PPP2R2B: variants seen among roughly 807,000 people sequenced by gnomAD.
The protein encoded by PPP2R2B is protein phosphatase 2 regulatory subunit Bbeta, also known as serine/threonine-protein phosphatase 2A 55 kDa regulatory subunit B beta isoform.
PPP2R2B carries 5 observed loss-of-function variants against 46.0 expected under a neutral mutation model. The ratio of observed to expected loss-of-function variants is 0.11; its 90% CI spans 0.06 to 0.23. PPP2R2B has a LOEUF of 0.23. Among genes scored for constraint, PPP2R2B ranks in the 10% least tolerant of loss-of-function variants. PPP2R2B has a pLI of 1.00. For missense variants in PPP2R2B, 367 were observed against 575.0 expected (o/e 0.64, Z 3.70); for synonymous variants, 215 against 206.7 (o/e 1.04, Z -0.34).
chr5:147,042,606 G>T (rs186757919), intron 1 of PPP2R2B, among the ~76,000 whole-genome samples: 1 of 152,208 alleles, frequency 6.6e-6, no homozygotes, highest in Admixed American at 6.5e-5. Flanking sequence ...ATCCAACAAA[G>T]ATTTATCATT....
At chr5:147,056,976 C>G (rs969355083), upstream of PPP2R2B, among the ~76,000 whole-genome samples, 7 of 152,198 alleles carry the variant, frequency 4.6e-5, no homozygotes, top group African/African-American at 1.7e-4. Flanking sequence ...AGAAAACCAA[C>G]ATTTCCCTGA....
intron 1 of PPP2R2B, among the ~76,000 whole-genome samples, chr5:147,019,227 A>T (rs1755145612): frequency 6.6e-6 from 1 of 152,186 alleles, no homozygotes; most frequent in African/African-American, 2.4e-5. Context: ...GATTGACCAT[A>T]AATATTTAAA....
intron 1 of PPP2R2B, among the ~76,000 whole-genome samples, chr5:147,044,387 T>C (rs1756457762): frequency 6.6e-6 from 1 of 152,154 alleles, no homozygotes; most frequent in East Asian, 1.9e-4. Flanking sequence ...CTGGCATAGA[T>C]GAATTCAGAA....
At chr5:146,788,240 T>G (rs958838316) in intron 2 of PPP2R2B, among the ~76,000 whole-genome samples, 7 of 151,890 alleles carry the variant, frequency 4.6e-5, no homozygotes, top group Non-Finnish European at 1.0e-4. Context: ...CCAAAAAATA[T>G]AGCTTGGCTT....
At chr5:146,592,163 G>T (rs1308727147) in intron 9 of PPP2R2B, 1 of 445,264 alleles carries the variant, frequency 2.2e-6, no homozygotes, top group East Asian at 7.3e-5. Flanking sequence ...TGTGACTTGG[G>T]TCCTTTGCCA....
At chr5:146,913,708 A>G (rs1177083335) in intron 1 of PPP2R2B, among the ~76,000 whole-genome samples, 1 of 152,168 alleles carries the variant, frequency 6.6e-6, no homozygotes, top group Non-Finnish European at 1.5e-5. Flanking sequence ...AAATTTGAGG[A>G]ACGCTCTCTA....
intron 2 of PPP2R2B, among the ~76,000 whole-genome samples, chr5:146,807,752 T>C (rs1165063575): frequency 2.0e-5 from 3 of 146,350 alleles, no homozygotes; most frequent in Non-Finnish European, 3.0e-5. Flanking sequence ...TCCAACTCCT[T>C]GGTTAAACCT....
chr5:146,821,098 C>G (rs2151333069), intron 2 of PPP2R2B, among the ~76,000 whole-genome samples: 1 of 152,238 alleles, frequency 6.6e-6, no homozygotes, highest in African/African-American at 2.4e-5. Flanking sequence ...ACATCACACA[C>G]AACACAACCT....
chr5:146,832,379 C>A (rs173637), intron 2 of PPP2R2B, among the ~76,000 whole-genome samples: 10,459 of 70,432 alleles, frequency 0.15, 666 homozygotes, highest in East Asian at 0.25. Flanking sequence ...CATTTTTAAT[C>A]TTTTTTTTTT....
intron 3 of PPP2R2B, among the ~76,000 whole-genome samples, chr5:146,700,108 T>G (rs1026621434): frequency 2.0e-5 from 3 of 152,206 alleles, no homozygotes; most frequent in Non-Finnish European, 2.9e-5. Flanking sequence ...CTTTCCTTTT[T>G]TGAGGGGAGG....
intron 1 of PPP2R2B, among the ~76,000 whole-genome samples, chr5:147,012,913 G>C (rs1316283115): frequency 6.6e-6 from 1 of 152,112 alleles, no homozygotes; most frequent in Non-Finnish European, 1.5e-5. Context: ...TTAATCCTGA[G>C]TTCTAGTTTG....
chr5:146,678,161 G>A (rs558752079), intron 5 of PPP2R2B, among the ~76,000 whole-genome samples: 81 of 152,156 alleles, frequency 5.3e-4, no homozygotes, highest in African/African-American at 1.8e-3. Flanking sequence ...CTGGCAAAAC[G>A]AATCCAGCAG....
chr5:146,597,673 G>T (rs1771315359), intron 8 of PPP2R2B, among the ~76,000 whole-genome samples: 2 of 152,132 alleles, frequency 1.3e-5, no homozygotes, highest in Admixed American at 1.3e-4. Flanking sequence ...TAGATTTCAA[G>T]TGGATCCCTG....
chr5:147,070,821 T>C (rs1173987532), intron 2 of PPP2R2B, among the ~76,000 whole-genome samples: 1 of 152,208 alleles, frequency 6.6e-6, no homozygotes, highest in African/African-American at 2.4e-5. Flanking sequence ...ATGATGATCC[T>C]ATACCAAACT....
chr5:146,692,556 C>CTTT (rs1778921738), intron 4 of PPP2R2B, among the ~76,000 whole-genome samples: 1 of 118,610 alleles, frequency 8.4e-6, no homozygotes, highest in Non-Finnish European at 1.6e-5. Flanking sequence ...TTTTTTGAGA[C>CTTT]AGAGTCTCGC....
At chr5:146,673,307 TA>T (rs1367671405) in intron 5 of PPP2R2B, among the ~76,000 whole-genome samples, 1 of 19,086 alleles carries the variant, frequency 5.2e-5, no homozygotes, top group Non-Finnish European at 6.4e-4. Flanking sequence ...TTCTGTAAAG[TA>T]AGTACAAATG....
intron 1 of PPP2R2B, among the ~76,000 whole-genome samples, chr5:146,976,230 C>T (rs568696217): frequency 3.0e-4 from 45 of 151,784 alleles, no homozygotes; most frequent in African/African-American, 9.7e-4. Flanking sequence ...TTCTGCTTCC[C>T]GGGTTCAAGC....
At chr5:146,620,303 T>C (rs1457712910) in intron 7 of PPP2R2B, among the ~76,000 whole-genome samples, 1 of 152,242 alleles carries the variant, frequency 6.6e-6, no homozygotes, top group Non-Finnish European at 1.5e-5. Context: ...ATTGTGGGTC[T>C]GTTTGTCTTT....
intron 1 of PPP2R2B, among the ~76,000 whole-genome samples, chr5:146,942,867 G>A (rs1764365060): frequency 6.6e-6 from 1 of 150,564 alleles, no homozygotes; most frequent in Non-Finnish European, 1.5e-5. Context: ...GCATGATCTT[G>A]GCTCACTGCA....
Sources: allele counts gnomAD v4.1 joint callset (sites outside exome capture counted in the v4.1 genomes callset), GRCh38; gene constraint gnomAD v4.1.1; transcripts MANE v1.5; gene names NCBI Gene and HGNC (gene_info 2026-07-23, HGNC 2026-07-21).